PVALEF: variants seen among roughly 807,000 people sequenced by gnomAD.
PVALEF encodes parvalbumin like EF-hand containing, also known as parvalbumin-like EF-hand-containing protein.
A neutral mutation model predicts 1.2 loss-of-function variants in PVALEF; 2 were observed. The observed-to-expected ratio is 1.68, with a 90% CI of 0.69 to 5.28. The LOEUF (loss-of-function observed/expected upper bound fraction) is 5.28. Ranked by LOEUF, PVALEF falls within the 30% of genes most tolerant of loss-of-function variation. The pLI, the probability that PVALEF is intolerant of heterozygous loss-of-function variation, is 0.06. For missense variants in PVALEF, 35 were observed against 17.7 expected (o/e 1.97, Z -1.75); for synonymous variants, 16 against 6.5 (o/e 2.47, Z -2.24).
chr17:81,182,579 CCT>C (rs984198790), intron 6 of PVALEF, among the ~76,000 whole-genome samples: 1 of 152,214 alleles, frequency 6.6e-6, no homozygotes, highest in African/African-American at 2.4e-5. Context: ...CATCCTGACC[CCT>C]CTCAGAACTC....
intron 2 of PVALEF, among the ~76,000 whole-genome samples, chr17:81,169,080 C>A (rs183743912): frequency 7.8e-4 from 119 of 152,222 alleles, no homozygotes; most frequent in Non-Finnish European, 1.4e-3. Flanking sequence ...ATGTCTGGAA[C>A]AGACAAATCC....
At chr17:81,167,268 G>A (rs929117808) in intron 2 of PVALEF, among the ~76,000 whole-genome samples, 11 of 146,558 alleles carry the variant, frequency 7.5e-5, no homozygotes, top group East Asian at 4.1e-4. Flanking sequence ...ACTCCAGCCC[G>A]GGTGACAACA....
intron 1 of PVALEF, chr17:81,166,085 C>T: frequency 1.1e-6 from 1 of 882,122 alleles, no homozygotes; most frequent in Non-Finnish European, 1.4e-6. Flanking sequence ...CCAGCGGCCG[C>T]CGCAGGTGCG....
At chr17:81,166,984 G>C in intron 2 of PVALEF, 140 bp downstream of exon 2, 1 of 308,692 alleles carries the variant, frequency 3.2e-6, no homozygotes, top group South Asian at 2.4e-5. Flanking sequence ...GCCCCCGTGG[G>C]AGTCGGGAGA....
At chr17:81,176,742 G>A (rs2061536917) in intron 2 of PVALEF, among the ~76,000 whole-genome samples, 1 of 152,058 alleles carries the variant, frequency 6.6e-6, no homozygotes. Context: ...GTATCATCCA[G>A]CAATTCCACT....
intron 2 of PVALEF, among the ~76,000 whole-genome samples, chr17:81,168,829 C>T (rs147348979): frequency 3.3e-5 from 5 of 152,280 alleles, no homozygotes; most frequent in Non-Finnish European, 7.3e-5. Context: ...GAGTGAGGAA[C>T]GCACCTCAGG....
rs2061556165 is a variant in PVALEF at position 81,182,018 on chromosome 17, G to A, written c.295G>A (p.Glu99Lys). 12 of 398,696 alleles carry A rather than the reference G, an allele frequency of 3.0e-5. No homozygotes were observed. Among genetic ancestry groups the A allele is most frequent in the East Asian group, 1.8e-4 (5 of 28,096 alleles). The allele number at this position is 398,696 out of a possible 1,614,324, so 24.7% of individuals were successfully genotyped here. ...CGGGCCCACCACCCCGCTGACAGAC[G>A]AGGAGGCCGAGGCCATGATCCAGGC... ...SSGPTTPLTD[E>K]EAEAMIQAAD... is the part of the protein sequence containing the mutation. Residue 99 changes from glutamate (E) to lysine (K), a missense_variant, in exon 6 of 7, where the codon GAG (glutamate) becomes AAG (lysine). Physicochemically the swap from Glu to Lys is moderately conservative, Grantham distance 56. Transcript: ENST00000637878.
At chr17:81,176,618 G>A (rs1035185415) in intron 2 of PVALEF, among the ~76,000 whole-genome samples, 1 of 151,776 alleles carries the variant, frequency 6.6e-6, no homozygotes, top group South Asian at 2.1e-4. Context: ...AATCACAAGT[G>A]TTGGTGAGGA....
At chr17:81,166,089 A>C in intron 1 of PVALEF, 1 of 817,708 alleles carries the variant, frequency 1.2e-6, no homozygotes, top group Non-Finnish European at 1.5e-6. Context: ...CGGCCGCCGC[A>C]GGTGCGGAGC....
chr17:81,182,825 G>A (rs1287399716), intron 6 of PVALEF, 140 bp from the exon 7 acceptor site: 1 of 394,250 alleles, frequency 2.5e-6, no homozygotes, highest in African/African-American at 2.1e-5. Context: ...CCTGGTCCCT[G>A]CTCAAGGACT....
chr17:81,174,805 C>T (rs2061531491), intron 2 of PVALEF, among the ~76,000 whole-genome samples: 2 of 151,714 alleles, frequency 1.3e-5, no homozygotes, highest in African/African-American at 4.8e-5. Context: ...AAAAATTAGC[C>T]GAGCATGGTG....
At chr17:81,166,186 C>A (rs975405763) in intron 1 of PVALEF, 78 of 165,298 alleles carry the variant, frequency 4.7e-4, no homozygotes, top group African/African-American at 1.8e-3. Context: ...GCGCTCCGCC[C>A]GGCCCTGGCG....
Position 81,182,069 on chromosome 17 carries a change from A to G in PVALEF, c.346A>G (p.Ile116Val), listed in dbSNP as rs1256663173. The G allele has an allele frequency of 2.5e-6, 1 of 398,548 alleles. No homozygotes were observed. Among genetic ancestry groups the G allele is most frequent in the Non-Finnish European group, 4.4e-6 (1 of 226,132 alleles). The allele number at this position is 398,548 out of a possible 1,614,324, so 24.7% of individuals were successfully genotyped here. ...GGCAGACACACACGGGGACGGGAGGATCAACTACGAAGGTGGGGGCAGCAC... is the reference window on the plus strand; with the variant it reads ...GGCAGACACACACGGGGACGGGAGGGTCAACTACGAAGGTGGGGGCAGCAC... Reference protein sequence around the residue: ...QAADTHGDGRINYEEFSELIK... With the variant: ...QAADTHGDGRVNYEEFSELIK... The change falls in exon 6 of 7, where the codon ATC (isoleucine) becomes GTC (valine). Residue 116 changes from isoleucine (I) to valine (V), a missense_variant. Physicochemically the swap from Ile to Val is conservative, Grantham distance 29. Transcript: ENST00000637878.
chr17:81,169,986 ATGTGTG>A (rs145155506), intron 2 of PVALEF, among the ~76,000 whole-genome samples: 97 of 148,728 alleles, frequency 6.5e-4, no homozygotes, highest in Admixed American at 1.4e-3. Flanking sequence ...ATGTGTGTGC[ATGTGTG>A]TGTGTTGGTG....
rs1317676811 is a variant in PVALEF, at chr17:81,181,139, G to A, written c.-88G>A. 16 of 685,940 alleles carry A rather than the reference G, an allele frequency of 2.3e-5. No individual in the cohort carries two copies. Among genetic ancestry groups the A allele is most frequent in the East Asian group, 1.9e-4 (7 of 36,506 alleles). 42.5% of individuals were successfully genotyped at this position (685,940 alleles called of 1,614,324 possible). On this transcript the variant is annotated 5_prime_UTR_variant, in exon 4 of 7. Transcript: ENST00000637878. ...ACTTTACAGCAGGATCCAGCACCAC[G>A]CGGCGTCTACGTCTGCTCTGGCCCA...
At position 81,165,519 on chromosome 17, in the gene PVALEF, G is replaced by T; in HGVS notation, c.-736G>T. ...GGCAGGGCTCTGAGAATCGCTCCCA[G>T]CCTGGGAAGAAGCCTCCCACGCCAG... On this transcript the variant is annotated 5_prime_UTR_variant, in exon 1 of 7. Transcript: ENST00000637878. 1 of 726,970 alleles carries T rather than the reference G, an allele frequency of 1.4e-6. No individual in the cohort carries two copies. The highest frequency in any genetic ancestry group is 2.0e-6 in the Non-Finnish European group (1 of 489,768). The allele number at this position is 726,970 out of a possible 1,614,324, so 45.0% of individuals were successfully genotyped here.
Position 81,165,667 on chromosome 17 carries a change from C to G in PVALEF, c.-588C>G, listed in dbSNP as rs1377475909. 9 of 1,504,666 alleles carry G rather than the reference C, an allele frequency of 6.0e-6. No individual in the cohort carries two copies. The East Asian group carries it at 2.3e-4, about 39-fold the overall frequency. The allele number at this position is 1,504,666 out of a possible 1,614,324, so 93.2% of individuals were successfully genotyped here. On this transcript the variant is annotated 5_prime_UTR_variant, in exon 1 of 7. Coordinates refer to ENST00000637878, the MANE Select transcript of PVALEF (RefSeq NM_001354639.2). ...GACACCAGGGGCCCACGCAGGCCCT[C>G]CGTGCCCCAGTTACCTGTGCCCTGG... is the stretch of plus-strand genomic sequence containing the variant.
rs569708485 is a variant in PVALEF at position 81,167,194 on chromosome 17, G to C, written c.-340+350G>C. Among the ~76,000 whole-genome samples the C allele has an allele frequency of 2.0e-4, 30 of 152,374 alleles. No homozygotes were observed. The Middle Eastern group carries it at 0.01, about 52-fold the overall frequency. ...TGTAGTCTCAGCTACTTGGGAGGCTGAGGTGGGAGGATCACTTGAGCCTGG... is the reference window on the plus strand; with the variant it reads ...TGTAGTCTCAGCTACTTGGGAGGCTCAGGTGGGAGGATCACTTGAGCCTGG... On this transcript the variant is annotated intron_variant, in intron 2 of 6. Transcript: ENST00000637878.
intron 2 of PVALEF, among the ~76,000 whole-genome samples, chr17:81,171,405 C>G (rs2061519961): frequency 6.6e-6 from 1 of 152,218 alleles, no homozygotes; most frequent in South Asian, 2.1e-4. Flanking sequence ...AGGGGCAGGT[C>G]CCCAGCCTGA....
Sources: allele counts gnomAD v4.1 joint callset (sites outside exome capture counted in the v4.1 genomes callset), GRCh38; gene constraint gnomAD v4.1.1; transcripts MANE v1.5; gene names NCBI Gene and HGNC (gene_info 2026-07-23, HGNC 2026-07-21).